ADGRL3: variants seen among roughly 807,000 people sequenced by gnomAD.
ADGRL3 encodes calcium-independent alpha-latrotoxin receptor 3.
In ADGRL3, 62 loss-of-function variants were observed where a neutral mutation model predicts 153.5. That is an observed-to-expected ratio of 0.40 (90% CI 0.33 to 0.50). ADGRL3 has a LOEUF of 0.50. Ranked by LOEUF, ADGRL3 falls within the 20% of genes least tolerant of loss-of-function variation. The pLI is 0.47. For missense variants in ADGRL3, 1,641 were observed against 1,859.4 expected (o/e 0.88, Z 2.16); for synonymous variants, 710 against 672.5 (o/e 1.06, Z -0.86).
chr4:61,440,410 G>A (rs1405500268), intron 2 of ADGRL3, among the ~76,000 whole-genome samples: 2 of 152,106 alleles, frequency 1.3e-5, no homozygotes, highest in Non-Finnish European at 2.9e-5. Flanking sequence ...TCCATAATTC[G>A]TTTTGGAAAC....
chr4:61,653,043 C>G (rs571436680), intron 5 of ADGRL3, among the ~76,000 whole-genome samples: 1 of 151,936 alleles, frequency 6.6e-6, no homozygotes, highest in African/African-American at 2.4e-5. Flanking sequence ...TAAGTTTAAC[C>G]TTAACTTATT....
At chr4:61,555,664 A>T (rs2098762158) in intron 4 of ADGRL3, among the ~76,000 whole-genome samples, 1 of 152,144 alleles carries the variant, frequency 6.6e-6, no homozygotes, top group Non-Finnish European at 1.5e-5. Context: ...TAAAGTGAAA[A>T]CAAGTTTATT....
chr4:62,052,278 A>G (rs1734630900), intron 25 of ADGRL3, among the ~76,000 whole-genome samples: 1 of 151,626 alleles, frequency 6.6e-6, no homozygotes, highest in Non-Finnish European at 1.5e-5. Context: ...AGATATAGTC[A>G]TTTGAAGGAA....
chr4:61,632,540 C>T (rs558763885), intron 5 of ADGRL3, among the ~76,000 whole-genome samples: 1 of 152,186 alleles, frequency 6.6e-6, no homozygotes, highest in East Asian at 1.9e-4. Flanking sequence ...TGGTGTCATG[C>T]CTGTTAAGTT....
At chr4:61,845,004 A>G (rs890187483) in intron 9 of ADGRL3, among the ~76,000 whole-genome samples, 1 of 152,178 alleles carries the variant, frequency 6.6e-6, no homozygotes, top group African/African-American at 2.4e-5. Flanking sequence ...TAGAAGAGAA[A>G]GTGGGAAAGA....
intron 4 of ADGRL3, among the ~76,000 whole-genome samples, chr4:61,577,664 T>A (rs1046245800): frequency 4.0e-5 from 6 of 151,258 alleles, no homozygotes; most frequent in African/African-American, 1.5e-4. Flanking sequence ...AAAAAAAAAA[T>A]TAGCCAGGCA....
chr4:61,517,297 G>T lies in ADGRL3; in HGVS notation c.56-18G>T. On this transcript the variant is annotated intron_variant, in intron 3 of 26. Coordinates refer to ENST00000683033, the MANE Select transcript of ADGRL3 (RefSeq NM_001387552.1). ...GAGGTGAGCAGGGGTCTGATGGTGC[G>T]CCCTGCGGTCCCCGCAGGTGGCAAG... The T allele has an allele frequency of 1.4e-6, 1 of 701,962 alleles. No homozygotes were observed. The allele number at this position is 701,962 out of a possible 1,614,324, so 43.5% of individuals were successfully genotyped here.
chr4:61,988,296 T>A (rs947769178), intron 19 of ADGRL3, among the ~76,000 whole-genome samples: 2 of 152,132 alleles, frequency 1.3e-5, no homozygotes, highest in African/African-American at 2.4e-5. Flanking sequence ...TTAAAATAAT[T>A]AGTTATTTAA....
chr4:61,799,220 A>G (rs2152474404), intron 8 of ADGRL3, among the ~76,000 whole-genome samples: 1 of 151,802 alleles, frequency 6.6e-6, no homozygotes, highest in Middle Eastern at 3.4e-3. Context: ...GATAACTACA[A>G]TTATGCCAGG....
At chr4:61,292,187 A>G (rs1209590175) in intron 1 of ADGRL3, among the ~76,000 whole-genome samples, 11 of 151,968 alleles carry the variant, frequency 7.2e-5, no homozygotes, top group Admixed American at 2.6e-4. Context: ...GAGGACCTAA[A>G]TCACTTCATA....
intron 21 of ADGRL3, among the ~76,000 whole-genome samples, chr4:62,024,663 G>C (rs562132858): frequency 6.6e-6 from 1 of 152,146 alleles, no homozygotes; most frequent in East Asian, 1.9e-4. Flanking sequence ...GGGCACGGTA[G>C]CTCACGCCTG....
chr4:61,796,036 T>A (rs568224527), intron 8 of ADGRL3, among the ~76,000 whole-genome samples: 1 of 152,120 alleles, frequency 6.6e-6, no homozygotes, highest in East Asian at 1.9e-4. Flanking sequence ...AGAGACAGGG[T>A]TTCACTATCT....
rs1384705318 is a variant in ADGRL3 at position 61,415,651 on chromosome 4, T to A, written c.-174+32462T>A. Among the ~76,000 whole-genome samples the A allele has an allele frequency of 3.9e-5, 6 of 152,212 alleles. No individual in the cohort carries two copies. In the East Asian group the frequency reaches 9.6e-4, roughly 24 times the overall value. On this transcript the variant is annotated intron_variant, in intron 2 of 26. Transcript: ENST00000683033. The stretch of plus-strand genomic sequence containing the variant: ...TGACCATTGTTAAATGTATCCCAAT[T>A]TTCCCTATTCTGTCATTGTGTAGCT...
chr4:61,541,290 A>G (rs2098688793), intron 4 of ADGRL3, among the ~76,000 whole-genome samples: 1 of 151,798 alleles, frequency 6.6e-6, no homozygotes, highest in South Asian at 2.1e-4. Context: ...GAATAACTGA[A>G]AACAGCTGGC....
intron 12 of ADGRL3, among the ~76,000 whole-genome samples, 169 bp from the exon 13 acceptor site, chr4:61,912,550 A>G (rs902638653): frequency 1.3e-5 from 2 of 152,178 alleles, no homozygotes; most frequent in African/African-American, 2.4e-5. Context: ...TTTTTAAGCC[A>G]TTGCTTGCTT....
intron 17 of ADGRL3, among the ~76,000 whole-genome samples, chr4:61,969,024 G>A (rs1035550508): frequency 6.6e-5 from 10 of 152,014 alleles, no homozygotes; most frequent in South Asian, 2.1e-4. Context: ...ATGATTCAAC[G>A]TATCATTTGA....
intron 1 of ADGRL3, among the ~76,000 whole-genome samples, chr4:61,306,537 G>C (rs2094796509): frequency 6.6e-6 from 1 of 152,098 alleles, no homozygotes; most frequent in Non-Finnish European, 1.5e-5. Context: ...TAAAACCATG[G>C]CTACTAATTC....
intron 4 of ADGRL3, among the ~76,000 whole-genome samples, chr4:61,559,139 A>G (rs190100518): frequency 6.6e-6 from 1 of 152,250 alleles, no homozygotes; most frequent in East Asian, 1.9e-4. Context: ...GAGACAGTTT[A>G]TAGAATAAAT....
intron 15 of ADGRL3, among the ~76,000 whole-genome samples, chr4:61,938,154 G>A (rs1414994039): frequency 2.6e-5 from 4 of 152,114 alleles, no homozygotes; most frequent in Admixed American, 6.5e-5. Flanking sequence ...GGTAACTCAC[G>A]GTGGGATGGC....
Sources: allele counts gnomAD v4.1 joint callset (sites outside exome capture counted in the v4.1 genomes callset), GRCh38; gene constraint gnomAD v4.1.1; transcripts MANE v1.5; gene names NCBI Gene and HGNC (gene_info 2026-07-23, HGNC 2026-07-21).